TENM3: variants seen among roughly 807,000 people sequenced by gnomAD.
The protein encoded by TENM3 is teneurin transmembrane protein 3, also known as teneurin-3.
In TENM3, 63 loss-of-function variants were observed where a neutral mutation model predicts 255.1. The observed-to-expected ratio is 0.25, with a 90% CI of 0.20 to 0.30. The LOEUF is 0.30. Ranked by LOEUF, TENM3 falls within the 10% of genes least tolerant of loss-of-function variation. The pLI is 1.00. For missense variants in TENM3, 2,929 were observed against 3,461.1 expected (o/e 0.85, Z 3.86); for synonymous variants, 1,306 against 1,322.3 (o/e 0.99, Z 0.27).
At chr4:182,014,702 A>C in the TENM3 span, among the ~76,000 whole-genome samples, 4 of 152,066 alleles carry the variant, frequency 2.6e-5, no homozygotes, top group Admixed American at 2.6e-4. Context: ...AGCAGTATGG[A>C]TGGGGCACTG....
At chr4:182,607,877 A>C (rs1748585378) in intron 4 of TENM3, among the ~76,000 whole-genome samples, 3 of 152,234 alleles carry the variant, frequency 2.0e-5, no homozygotes, top group South Asian at 4.1e-4. Context: ...GTACCTGTAG[A>C]AATGAATTGT....
chr4:182,243,993 G>T (rs1430077624), intron 1 of TENM3, among the ~76,000 whole-genome samples: 1 of 120,084 alleles, frequency 8.3e-6, no homozygotes, highest in Non-Finnish European at 1.6e-5. Context: ...TCGCTCTGTC[G>T]CCCAGGCTGG....
the TENM3 span, among the ~76,000 whole-genome samples, chr4:181,513,447 T>A: frequency 6.6e-6 from 1 of 152,132 alleles, no homozygotes; most frequent in South Asian, 2.1e-4. Flanking sequence ...GCCCTCAGGG[T>A]TTAGCTCCAT....
the TENM3 span, among the ~76,000 whole-genome samples, chr4:181,594,517 C>A: frequency 1.4e-4 from 22 of 152,146 alleles, no homozygotes; most frequent in African/African-American, 4.8e-4. Context: ...CCATTGGTCA[C>A]CCATTCCAAG....
chr4:182,445,973 G>A (rs921819081), intron 3 of TENM3, among the ~76,000 whole-genome samples: 1 of 152,120 alleles, frequency 6.6e-6, no homozygotes, highest in African/African-American at 2.4e-5. Flanking sequence ...CTCATTACAC[G>A]TCTCTGTGGA....
chr4:181,747,320 T>C, the TENM3 span, among the ~76,000 whole-genome samples: 1 of 152,124 alleles, frequency 6.6e-6, no homozygotes, highest in African/African-American at 2.4e-5. Context: ...AAATTGCCTT[T>C]CTTAAATTTT....
intron 1 of TENM3, among the ~76,000 whole-genome samples, chr4:182,285,792 T>G (rs1760692802): frequency 6.6e-6 from 1 of 152,036 alleles, no homozygotes; most frequent in African/African-American, 2.4e-5. Flanking sequence ...CAGCCTGTGT[T>G]GTCAGAGAGC....
chr4:182,336,981 G>A (rs1764185679), intron 2 of TENM3, among the ~76,000 whole-genome samples: 1 of 151,770 alleles, frequency 6.6e-6, no homozygotes, highest in African/African-American at 2.4e-5. Flanking sequence ...ACTTGTTAAA[G>A]TGTTCACTCA....
chr4:181,741,793 T>A, the TENM3 span, among the ~76,000 whole-genome samples: 1 of 152,094 alleles, frequency 6.6e-6, no homozygotes, highest in Admixed American at 6.6e-5. Context: ...TAAAACCAGC[T>A]CAGTCTATTC....
intron 24 of TENM3, among the ~76,000 whole-genome samples, chr4:182,780,161 T>G (rs1765053378): frequency 6.6e-6 from 1 of 152,096 alleles, no homozygotes; most frequent in Non-Finnish European, 1.5e-5. Flanking sequence ...GATGCCTAGG[T>G]TTTCTTCTAG....
intron 12 of TENM3, among the ~76,000 whole-genome samples, chr4:182,706,736 T>C (rs1758306908): frequency 6.6e-6 from 1 of 152,070 alleles, no homozygotes; most frequent in Non-Finnish European, 1.5e-5. Context: ...CTGAGGCAGT[T>C]GGATCACCTT....
At chr4:182,091,452 G>A in the TENM3 span, among the ~76,000 whole-genome samples, 1 of 152,206 alleles carries the variant, frequency 6.6e-6, no homozygotes, top group Non-Finnish European at 1.5e-5. Flanking sequence ...ACTGCAGAAA[G>A]TACCTTGCAA....
At chr4:182,345,809 C>T (rs372133641) in intron 2 of TENM3, among the ~76,000 whole-genome samples, 2 of 152,154 alleles carry the variant, frequency 1.3e-5, no homozygotes, top group East Asian at 1.9e-4. Context: ...TTAGTAAAGG[C>T]CTGCAGAGTT....
chr4:181,637,074 G>T, the TENM3 span, among the ~76,000 whole-genome samples: 2 of 152,028 alleles, frequency 1.3e-5, no homozygotes, highest in Non-Finnish European at 2.9e-5. Context: ...GCTCTCTGCC[G>T]CCTTCAGGTC....
the TENM3 span, among the ~76,000 whole-genome samples, chr4:182,097,048 G>A: frequency 1.3e-5 from 2 of 152,076 alleles, no homozygotes; most frequent in Non-Finnish European, 2.9e-5. Flanking sequence ...TATAGTTACC[G>A]TACTTATGGT....
chr4:182,152,258 A>G (rs1373614110), intron 1 of TENM3, among the ~76,000 whole-genome samples: 5 of 151,828 alleles, frequency 3.3e-5, no homozygotes, highest in Non-Finnish European at 2.9e-5. Flanking sequence ...TAGAACAGGC[A>G]TTTTCTATCT....
At chr4:182,493,938 A>G (rs183072997) in intron 3 of TENM3, among the ~76,000 whole-genome samples, 336 of 152,314 alleles carry the variant, frequency 2.2e-3, no homozygotes, top group Non-Finnish European at 1.3e-3. Context: ...TTTGCTAAAT[A>G]GAACAGATGA....
the TENM3 span, among the ~76,000 whole-genome samples, chr4:181,668,549 A>G: frequency 6.6e-6 from 1 of 151,854 alleles, no homozygotes; most frequent in Admixed American, 6.6e-5. Context: ...TGGCAGCACA[A>G]CTCTTAATAT....
chr4:182,334,561 A>G (rs754555343), intron 2 of TENM3, among the ~76,000 whole-genome samples: 13 of 152,186 alleles, frequency 8.5e-5, no homozygotes, highest in Non-Finnish European at 1.8e-4. Context: ...CAAAAGTATG[A>G]TGAAGCTGCT....
Sources: allele counts gnomAD v4.1 joint callset (sites outside exome capture counted in the v4.1 genomes callset), GRCh38; gene constraint gnomAD v4.1.1; transcripts MANE v1.5; gene names NCBI Gene and HGNC (gene_info 2026-07-23, HGNC 2026-07-21).